Variants in TBC1D1 observed in about 807,000 individuals in gnomAD.
TBC1D1 encodes TBC1 domain family member 1, also known as TBC1 (tre-2/USP6, BUB2, cdc16) domain family, member 1.
Under a neutral mutation model 125.6 loss-of-function variants are expected in TBC1D1, and 89 were observed. The ratio of observed to expected loss-of-function variants is 0.71; its 90% CI spans 0.60 to 0.85. TBC1D1 has a LOEUF of 0.85. Ranked by LOEUF, TBC1D1 falls within the 40% of genes least tolerant of loss-of-function variation. The pLI is 0.00. For missense variants in TBC1D1, 1,377 were observed against 1,469.2 expected, an observed-to-expected ratio of 0.94 and a Z score of 1.03; for synonymous variants, 565 against 564.1, an observed-to-expected ratio of 1.00 and a Z score of -0.02.
intron 12 of TBC1D1, among the ~76,000 whole-genome samples, chr4:38,076,100 A>T (rs546785357): frequency 7.1e-4 from 108 of 152,188 alleles, no homozygotes; most frequent in Non-Finnish European, 1.4e-3. Flanking sequence ...TGGGTAATTT[A>T]TAAAGGAAAG....
intron 2 of TBC1D1, among the ~76,000 whole-genome samples, chr4:37,933,433 TAC>T (rs3038289): frequency 0.13 from 18,931 of 147,130 alleles, 1,988 homozygotes; most frequent in African/African-American, 0.3. Flanking sequence ...ACATATGTTT[TAC>T]ACACACACAC....
chr4:38,105,689 T>C (rs1254310703), intron 15 of TBC1D1, among the ~76,000 whole-genome samples: 1 of 152,224 alleles, frequency 6.6e-6, no homozygotes, highest in Non-Finnish European at 1.5e-5. Context: ...GAACATGTGA[T>C]GCTTGGTTTC....
intron 2 of TBC1D1, among the ~76,000 whole-genome samples, chr4:38,003,010 C>G (rs1189895381): frequency 2.0e-5 from 3 of 152,166 alleles, no homozygotes; most frequent in Non-Finnish European, 4.4e-5. Flanking sequence ...TTATTTAGCC[C>G]TTACAGAAAA....
chr4:37,938,502 C>T (rs73142169), intron 2 of TBC1D1, among the ~76,000 whole-genome samples: 4,045 of 151,938 alleles, frequency 0.027, 171 homozygotes, highest in African/African-American at 0.093. Context: ...TTCAAATAAG[C>T]GATTTGAATT....
intron 2 of TBC1D1, among the ~76,000 whole-genome samples, chr4:37,930,966 A>G (rs1380179956): frequency 6.6e-6 from 1 of 152,252 alleles, no homozygotes; most frequent in African/African-American, 2.4e-5. Context: ...CATATGGAGA[A>G]AGAATGGATT....
At chr4:38,045,295 T>G (rs573849960) in intron 9 of TBC1D1, among the ~76,000 whole-genome samples, 1 of 152,380 alleles carries the variant, frequency 6.6e-6, no homozygotes, top group Non-Finnish European at 1.5e-5. Context: ...TTTTGAAACA[T>G]CTGATTTTAT....
rs149905228 is a variant in TBC1D1, at chr4:37,963,597, C to T, written c.418-50912C>T. On this transcript the variant is annotated intron_variant, in intron 2 of 19. Transcript: ENST00000261439. ...GCTTCAGCCCAGGAGGTGAAGGTTG[C>T]GGTGAGCCGAGATCACGCCACTGCA... 7.2e-5 allele frequency among the ~76,000 whole-genome samples: 11 copies of T among 152,242 alleles called. No individual in the cohort carries two copies. In the East Asian group the frequency reaches 9.6e-4, roughly 13 times the overall value.
intron 2 of TBC1D1, among the ~76,000 whole-genome samples, chr4:37,981,689 A>G (rs1409562993): frequency 6.6e-6 from 1 of 152,180 alleles, no homozygotes; most frequent in Admixed American, 6.5e-5. Context: ...AGCTGGGTGC[A>G]CAGCACTGAG....
intron 14 of TBC1D1, among the ~76,000 whole-genome samples, chr4:38,101,423 T>C (rs1196763987): frequency 6.6e-6 from 1 of 152,254 alleles, no homozygotes; most frequent in Non-Finnish European, 1.5e-5. Context: ...TAAAGAATTT[T>C]GGTTCAAAAC....
chr4:38,067,803 C>T (rs1203187181), intron 12 of TBC1D1, among the ~76,000 whole-genome samples: 3 of 152,280 alleles, frequency 2.0e-5, no homozygotes, highest in East Asian at 1.9e-4. Flanking sequence ...TCTTGTAGTA[C>T]GAAAAGTCAC....
intron 2 of TBC1D1, among the ~76,000 whole-genome samples, chr4:37,944,643 G>A (rs1726281680): frequency 6.6e-6 from 1 of 152,244 alleles, no homozygotes; most frequent in Admixed American, 6.5e-5. Context: ...CCAGGTGCGG[G>A]ACATAATCTC....
chr4:37,989,695 A>G (rs979875320), intron 2 of TBC1D1, among the ~76,000 whole-genome samples: 2 of 152,244 alleles, frequency 1.3e-5, no homozygotes, highest in African/African-American at 2.4e-5. Context: ...TTAGGCCACA[A>G]GTAACTTAGA....
chr4:38,049,797 A>G lies in TBC1D1; in HGVS notation c.1809A>G (p.Glu603=), dbSNP rs760949664. The G allele has an allele frequency of 6.2e-7, 1 of 1,614,118 alleles. No homozygotes were observed. The highest frequency in any genetic ancestry group is 8.5e-7 in the Non-Finnish European group (1 of 1,179,996). Reference sequence around the variant, plus strand: ...ACACCCTGAGTCACTTCCCCATCGAATGCCAGGAACCTCCACAACCTGCCC... The same window carrying G: ...ACACCCTGAGTCACTTCCCCATCGAGTGCCAGGAACCTCCACAACCTGCCC... The change falls in exon 11 of 20, where the codon GAA becomes GAG. Residue 603 remains glutamate (E), a synonymous_variant. Transcript: ENST00000261439.
At chr4:38,098,080 G>A (rs1759682412) in intron 14 of TBC1D1, among the ~76,000 whole-genome samples, 1 of 152,216 alleles carries the variant, frequency 6.6e-6, no homozygotes, top group Admixed American at 6.5e-5. Context: ...CGAAGTTCTG[G>A]ATGGACACCA....
intron 1 of TBC1D1, among the ~76,000 whole-genome samples, chr4:37,898,065 T>C (rs1361516101): frequency 6.6e-6 from 1 of 152,214 alleles, no homozygotes. Flanking sequence ...AATTATATTA[T>C]AAAAATTTGC....
intron 12 of TBC1D1, 71 bp downstream of exon 14, chr4:38,054,409 T>C: frequency 6.3e-7 from 1 of 1,598,102 alleles, no homozygotes; most frequent in East Asian, 2.2e-5. Context: ...CCCCATCATA[T>C]TGGTAAGAAA....
intron 15 of TBC1D1, chr4:38,110,635 T>C (rs1762050831): frequency 4.1e-6 from 4 of 985,330 alleles, no homozygotes; most frequent in African/African-American, 1.7e-5. Context: ...TTAATGCCCA[T>C]GTTTGACCCT....
intron 10 of TBC1D1, 35 bp from the exon 11 acceptor site, chr4:38,049,583 A>G (rs748102822): frequency 1.5e-5 from 24 of 1,561,606 alleles, no homozygotes; most frequent in South Asian, 1.2e-5. Context: ...CATATTCCCC[A>G]TGGTGTGTCT....
At chr4:37,966,002 C>T (rs776616249) in intron 2 of TBC1D1, among the ~76,000 whole-genome samples, 1 of 152,162 alleles carries the variant, frequency 6.6e-6, no homozygotes, top group Non-Finnish European at 1.5e-5. Context: ...CTACTTCACC[C>T]TCTGAAAGTG....
Sources: allele counts gnomAD v4.1 joint callset (sites outside exome capture counted in the v4.1 genomes callset), GRCh38; gene constraint gnomAD v4.1.1; transcripts MANE v1.5; gene names NCBI Gene and HGNC (gene_info 2026-07-23, HGNC 2026-07-21).